The following PHLDB2 variants were observed in gnomAD, a reference collection of about 807,000 sequenced individuals.
The protein encoded by PHLDB2 is pleckstrin homology-like domain family B member 2.
Under a neutral mutation model 123.6 loss-of-function variants are expected in PHLDB2, and 71 were observed. The ratio of observed to expected loss-of-function variants is 0.57; its 90% CI spans 0.47 to 0.70. The LOEUF is 0.70. PHLDB2 is among the 30% of genes least tolerant of loss of function. The probability of loss-of-function intolerance (pLI) is 0.00; values close to 1 mark genes in which losing one functional copy is unlikely to be tolerated. For synonymous variants in PHLDB2, 547 were observed against 541.6 expected (o/e 1.01, Z -0.14); for missense variants, 1,446 against 1,519.5 (o/e 0.95, Z 0.80).
At chr3:111,969,611 A>G (rs1186048212) in intron 15 of PHLDB2, 79 bp from the exon 16 acceptor site, 2 of 1,172,618 alleles carry the variant, frequency 1.7e-6, no homozygotes, top group African/African-American at 3.1e-5. Context: ...TTTACAGTTA[A>G]TTTCTGCTTC....
intron 1 of PHLDB2, among the ~76,000 whole-genome samples, chr3:111,867,375 A>G (rs913513106): frequency 7.2e-5 from 11 of 152,182 alleles, no homozygotes; most frequent in Non-Finnish European, 1.6e-4. Context: ...ATACTTTATC[A>G]TGAAAAATAT....
chr3:111,892,174 T>C (rs939470150), intron 2 of PHLDB2, among the ~76,000 whole-genome samples: 2 of 152,236 alleles, frequency 1.3e-5, no homozygotes, highest in African/African-American at 2.4e-5. Flanking sequence ...TACGAATTTT[T>C]TCCATTACAT....
chr3:111,780,882 G>C (rs2060449892), intron 1 of PHLDB2, among the ~76,000 whole-genome samples: 1 of 152,064 alleles, frequency 6.6e-6, no homozygotes. Context: ...AGGACTATCT[G>C]TGTGTCTTCA....
chr3:111,859,942 G>A (rs2064731296), intron 1 of PHLDB2: 21 of 983,338 alleles, frequency 2.1e-5, no homozygotes, highest in Non-Finnish European at 2.4e-5. Context: ...ACAAAAGCCC[G>A]GGCTGGGGTC....
intron 2 of PHLDB2, among the ~76,000 whole-genome samples, chr3:111,902,529 A>T (rs1195438904): frequency 1.3e-5 from 2 of 152,262 alleles, no homozygotes; most frequent in African/African-American, 4.8e-5. Context: ...TACTTAATTT[A>T]TATCTATTTT....
At position 111,884,132 on chromosome 3, in the gene PHLDB2, G is replaced by C. The variant is rs565987391; in HGVS notation, c.55G>C (p.Glu19Gln). ...GCTAGATTTACAAAATGGTAGCTTA[G>C]AGGAAGACTCTGTGGTGCATTCTGT... is the stretch of plus-strand genomic sequence containing the variant. The part of the protein sequence containing the change: ...KELDLQNGSL[E>Q]EDSVVHSVEN... Residue 19 changes from glutamate to glutamine, a missense_variant, in exon 2 of 18, where the codon GAG becomes CAG. Glu to Gln is a conservative substitution (Grantham distance 29). Around this residue, in one of 3 missense-constraint regions of PHLDB2, gnomAD observed 832 missense variants for 831.9 expected, o/e 1.00. Transcript: ENST00000431670. 8.7e-6 allele frequency: 14 copies of C among 1,614,138 alleles called. No homozygotes were observed. In the East Asian group the frequency reaches 2.9e-4, roughly 33 times the overall value.
chr3:111,841,774 T>G (rs906562410), intron 1 of PHLDB2, among the ~76,000 whole-genome samples: 2 of 152,194 alleles, frequency 1.3e-5, no homozygotes, highest in Admixed American at 6.5e-5. Flanking sequence ...ATGTGTTGAT[T>G]CTGCAACTCT....
At chr3:111,836,641 T>C (rs912541483) in intron 1 of PHLDB2, among the ~76,000 whole-genome samples, 4 of 152,052 alleles carry the variant, frequency 2.6e-5, no homozygotes, top group African/African-American at 4.8e-5. Flanking sequence ...GGGCAATTTA[T>C]AAAGGAAAAA....
At chr3:111,967,441 C>A (rs867440064) in intron 14 of PHLDB2, among the ~76,000 whole-genome samples, 7 of 152,160 alleles carry the variant, frequency 4.6e-5, no homozygotes, top group Non-Finnish European at 5.9e-5. Flanking sequence ...GCTGGATTTT[C>A]ACTGAAGACC....
At chr3:111,848,084 A>G (rs1376198787) in intron 2 of PHLDB2, among the ~76,000 whole-genome samples, 1 of 152,004 alleles carries the variant, frequency 6.6e-6, no homozygotes, top group Non-Finnish European at 1.5e-5. Context: ...GCAGTATGCG[A>G]CCCTCACCTT....
At chr3:111,743,074 T>C (rs531744474) in intron 1 of PHLDB2, among the ~76,000 whole-genome samples, 33 of 152,288 alleles carry the variant, frequency 2.2e-4, no homozygotes, top group Admixed American at 1.8e-3. Flanking sequence ...GTCCAAGTGG[T>C]ATTTTAAAGA....
chr3:111,886,470 A>G (rs1009765570), intron 2 of PHLDB2, among the ~76,000 whole-genome samples: 1 of 150,958 alleles, frequency 6.6e-6, no homozygotes, highest in Non-Finnish European at 1.5e-5. Context: ...TAAGCTCATC[A>G]GCTATCGTTA....
At chr3:111,946,275 G>A (rs2070304269) in intron 9 of PHLDB2, among the ~76,000 whole-genome samples, 1 of 152,134 alleles carries the variant, frequency 6.6e-6, no homozygotes, top group Non-Finnish European at 1.5e-5. Flanking sequence ...GCCTGCCTTG[G>A]CCTCCCAAAG....
At position 111,913,384 on chromosome 3, in the gene PHLDB2, A is replaced by G. The variant is rs143702329; in HGVS notation, c.1401A>G (p.Leu467=). Residue 467 remains leucine (L), a synonymous_variant, in exon 3 of 18, where the codon TTA becomes TTG. Coordinates refer to ENST00000431670, the MANE Select transcript of PHLDB2 (RefSeq NM_001134438.2). ...AATACACAAAGCCTGACAGTCGCTT[A>G]TCTACTGGGACCACCGTGGAAGATG... ...CAEYTKPDSR[L]STGTTVEDVQ... is the part of the protein sequence containing the mutation. The G allele has an allele frequency of 1.0e-4, 168 of 1,613,996 alleles. No individual in the cohort carries two copies. The African/African-American group carries it at 1.9e-3, about 19-fold the overall frequency.
chr3:111,863,467 A>G (rs1294295725), intron 1 of PHLDB2, among the ~76,000 whole-genome samples: 1 of 152,204 alleles, frequency 6.6e-6, no homozygotes, highest in Non-Finnish European at 1.5e-5. Context: ...TCATAAGCTG[A>G]TGAGGGGATA....
At chr3:111,865,955 ATAT>A (rs957973418) in intron 1 of PHLDB2, among the ~76,000 whole-genome samples, 3 of 147,926 alleles carry the variant, frequency 2.0e-5, no homozygotes, top group Non-Finnish European at 4.5e-5. Flanking sequence ...TGAAGATATG[ATAT>A]TATCATAATT....
chr3:111,966,516 T>C, intron 13 of PHLDB2, 97 bp from the exon 14 acceptor site: 1 of 570,466 alleles, frequency 1.8e-6, no homozygotes. Flanking sequence ...TGTGTGTGTG[T>C]GTGTGTCTGG....
intron 2 of PHLDB2, among the ~76,000 whole-genome samples, chr3:111,898,182 T>TTGTGTGTG (rs58183787): frequency 0.033 from 4,729 of 142,592 alleles, 259 homozygotes; most frequent in East Asian, 0.22. Context: ...GTGTGTGTGT[T>TTGTGTGTG]TGTGTGTGTG....
At chr3:111,850,117 T>C (rs1389874055) in intron 2 of PHLDB2, among the ~76,000 whole-genome samples, 1 of 151,050 alleles carries the variant, frequency 6.6e-6, no homozygotes, top group Non-Finnish European at 1.5e-5. Context: ...CACCTCGGCC[T>C]CCCCAAGTGC....
Sources: gnomAD v4.1 joint callset for allele counts (sites outside exome capture counted in the v4.1 genomes callset) on GRCh38, gnomAD v4.1.1 for gene constraint, gnomAD v4.1.1 regional missense constraint, MANE v1.5 for transcripts, NCBI Gene and HGNC (gene_info 2026-07-23, HGNC 2026-07-21) for gene names.